The following COL5A3 variants were observed in gnomAD, a reference collection of about 807,000 sequenced individuals.
COL5A3 encodes collagen alpha-3(V) chain.
In COL5A3, 172 loss-of-function variants were observed where a neutral mutation model predicts 250.0. That is an observed-to-expected ratio of 0.69 (90% confidence interval 0.61 to 0.78). The LOEUF is 0.78. COL5A3 is among the 30% of genes least tolerant of loss of function. The pLI, the probability that COL5A3 is intolerant of heterozygous loss-of-function variation, is 0.00. For synonymous variants in COL5A3, 937 were observed against 900.4 expected (o/e 1.04, Z -0.73); for missense variants, 2,340 against 2,334.4 (o/e 1.00, Z -0.05).
chr19:9,961,323 G>A (rs1276690682), intron 65 of COL5A3, among the ~76,000 whole-genome samples: 1 of 152,154 alleles, frequency 6.6e-6, no homozygotes, highest in Non-Finnish European at 1.5e-5. Context: ...AAATGTGGCT[G>A]ATTTGAAGGA....
At chr19:9,977,739 A>G (rs746262832) in intron 41 of COL5A3, 38 bp from the exon 42 acceptor site, 5 of 1,464,166 alleles carry the variant, frequency 3.4e-6, no homozygotes, top group Non-Finnish European at 4.6e-6. Flanking sequence ...TAATACCAGT[A>G]GTAGCTGTCC....
intron 51 of COL5A3, 152 bp from the exon 52 acceptor site, chr19:9,971,410 C>G: frequency 1.6e-6 from 1 of 636,884 alleles, no homozygotes; most frequent in South Asian, 2.1e-5. Flanking sequence ...AGCGAACATT[C>G]TCGTGTTTCA....
At chr19:9,997,568 A>C in intron 10 of COL5A3, 135 bp from the exon 11 acceptor site, 1 of 617,362 alleles carries the variant, frequency 1.6e-6, no homozygotes, top group African/African-American at 1.8e-5. Context: ...CCCTAATGCA[A>C]TACTGACCCC....
chr19:9,973,599 G>A lies in COL5A3; in HGVS notation c.3637C>T (p.Pro1213Ser). 1 of 1,612,954 alleles carries A rather than the reference G, an allele frequency of 6.2e-7. No individual in the cohort carries two copies. The highest frequency in any genetic ancestry group is 8.5e-7 in the Non-Finnish European group (1 of 1,179,424). ...ATGCCTGGGGCTCCTGGAGGCCCTG[G>A]GTCTCCAGCGTCCCCTCGCTCACCC... ...EKGERGDAGD[P>S]GPPGAPGIPG... The change falls in exon 50 of 67, where the codon CCA (proline) becomes TCA (serine). Residue 1213 changes from proline (P) to serine (S), a missense_variant. Physicochemically the swap from Pro to Ser is moderately conservative, Grantham distance 74. Around this residue, in one of 3 missense-constraint regions of COL5A3, gnomAD observed 1,179 missense variants for 1,162.6 expected, o/e 1.01. Transcript: ENST00000264828.
intron 13 of COL5A3, 51 bp downstream of exon 13, chr19:9,996,382 G>A: frequency 6.3e-7 from 1 of 1,595,460 alleles, no homozygotes; most frequent in Non-Finnish European, 8.6e-7. Flanking sequence ...TTACGCCGAG[G>A]CTCTATCACT....
intron 1 of COL5A3, among the ~76,000 whole-genome samples, chr19:10,006,743 A>AC (rs757208401): frequency 3.3e-5 from 5 of 150,398 alleles, no homozygotes; most frequent in Non-Finnish European, 7.4e-5. Flanking sequence ...GCCATTTTGG[A>AC]TCTCCTCCCT....
At chr19:9,967,758 C>T (rs2086774896) in intron 61 of COL5A3, 146 bp downstream of exon 61, 2 of 762,666 alleles carry the variant, frequency 2.6e-6, no homozygotes, top group Non-Finnish European at 2.0e-6. Flanking sequence ...TGATGAAATA[C>T]AACCGTAGGT....
chr19:9,979,217 G>A lies in COL5A3; in HGVS notation c.2789C>T (p.Pro930Leu). Residue 930 changes from proline to leucine, a missense_variant, in exon 39 of 67, where the codon CCT becomes CTT. Pro to Leu is a moderately conservative substitution (Grantham distance 98). Coordinates refer to ENST00000264828, the MANE Select transcript of COL5A3 (RefSeq NM_015719.4). Reference sequence around the variant, plus strand: ...GCCTGGAGGCCCCCTTTCACCTAGAGGTCCCACTTCTCCTGTCTTTCCCTG... The same window carrying A: ...GCCTGGAGGCCCCCTTTCACCTAGAAGTCCCACTTCTCCTGTCTTTCCCTG... ...GPQGKTGEVG[P>L]LGERGPPGPP... The A allele has an allele frequency of 1.9e-6, 3 of 1,607,482 alleles. No individual in the cohort carries two copies. In the South Asian group the frequency reaches 3.3e-5, roughly 18 times the overall value.
At position 9,982,151 on chromosome 19, in the gene COL5A3, G is replaced by A. The variant is rs539141425; in HGVS notation, c.2407-33C>T. 2.7e-6 allele frequency: 4 copies of A among 1,495,044 alleles called. No individual in the cohort carries two copies. The South Asian group carries it at 5.0e-5, about 19-fold the overall frequency. 92.6% of individuals were successfully genotyped at this position (1,495,044 alleles called of 1,614,324 possible). ...GAGAGAATTAGAAAGAAGACATGAG[G>A]GTGAGGAGTGAGTGGTGGGTGGAAT... On this transcript the variant is annotated intron_variant, in intron 31 of 66. Coordinates refer to ENST00000264828, the MANE Select transcript of COL5A3 (RefSeq NM_015719.4).
chr19:9,990,260 G>T lies in COL5A3; in HGVS notation c.1993-738C>A, dbSNP rs113126313. On this transcript the variant is annotated intron_variant, in intron 24 of 66. Transcript: ENST00000264828. ...AATACAAAAATTAGCTGGGCGTAGT[G>T]GTGGGCACCTGTAATCCCAGCTACC... Among the ~76,000 whole-genome samples, 952 of 151,736 alleles carry T rather than the reference G, an allele frequency of 6.3e-3. 4 individuals carry two copies. Among genetic ancestry groups the T allele is most frequent in the Non-Finnish European group, 9.2e-3 (622 of 67,928 alleles).
At chr19:9,972,102 C>T (rs1331301468) in intron 51 of COL5A3, among the ~76,000 whole-genome samples, 3 of 152,226 alleles carry the variant, frequency 2.0e-5, no homozygotes, top group Non-Finnish European at 4.4e-5. Context: ...TTTGTCCATT[C>T]GGCCACTCAT....
At chr19:9,970,776 AC>A in intron 53 of COL5A3, 101 bp from the exon 54 acceptor site, 1 of 1,090,832 alleles carries the variant, frequency 9.2e-7, no homozygotes, top group Non-Finnish European at 1.2e-6. Flanking sequence ...CCCAAGCCTC[AC>A]CCCAGCACCG....
intron 8 of COL5A3, among the ~76,000 whole-genome samples, chr19:9,999,222 A>C (rs1176868149): frequency 8.0e-6 from 1 of 124,668 alleles, no homozygotes; most frequent in Non-Finnish European, 1.6e-5. Flanking sequence ...ACACAGGGTC[A>C]CTCTATTGCC....
chr19:9,996,758 G>A, intron 11 of COL5A3, 69 bp from the exon 12 acceptor site: 2 of 1,226,744 alleles, frequency 1.6e-6, no homozygotes, highest in Non-Finnish European at 2.3e-6. Context: ...GGACAGGGGA[G>A]GCACAGAAGG....
At chr19:9,994,719 C>G (rs906724365) in intron 16 of COL5A3, among the ~76,000 whole-genome samples, 1 of 150,224 alleles carries the variant, frequency 6.7e-6, no homozygotes, top group Non-Finnish European at 1.5e-5. Context: ...ATGGTACAAC[C>G]TACCAAACAC....
At chr19:9,988,855 A>AAAAGAGAAAG (rs1555738985) in intron 27 of COL5A3, among the ~76,000 whole-genome samples, 1 of 104,764 alleles carries the variant, frequency 9.5e-6, no homozygotes, top group African/African-American at 4.5e-5. Flanking sequence ...AAAAAAAAAA[A>AAAAGAGAAAG]AAAGAAAGTA....
chr19:10,003,477 G>T, intron 6 of COL5A3, 88 bp downstream of exon 6: 1 of 1,313,138 alleles, frequency 7.6e-7, no homozygotes, highest in Non-Finnish European at 1.1e-6. Context: ...TGGGAGACTA[G>T]AAGTCAAGCA....
Position 9,972,951 on chromosome 19 carries a change from G to C in COL5A3, c.3742C>G (p.Pro1248Ala), listed in dbSNP as rs747066452. 5 of 1,611,416 alleles carry C rather than the reference G, an allele frequency of 3.1e-6. No individual in the cohort carries two copies. The highest frequency in any genetic ancestry group is 3.4e-6 in the Non-Finnish European group (4 of 1,178,964). ...GAAGPPGKKG[P>A]PGEDGAKGSV... is the part of the protein sequence containing the mutation. ...CCTTTGGCTCCATCCTCTCCAGGGG[G>C]ACCTTTCTTGCCTGGGGGTCCAGCA... The change falls in exon 51 of 67, where the codon CCC (proline) becomes GCC (alanine). Residue 1248 changes from proline (P) to alanine (A), a missense_variant. This residue lies in a region of COL5A3 where 1,179 missense variants were observed against 1,162.6 expected (regional missense o/e 1.01). Coordinates refer to ENST00000264828, the MANE Select transcript of COL5A3 (RefSeq NM_015719.4).
In COL5A3 at chr19:9,970,670, C is replaced by T. The variant is rs373311948; in HGVS notation, c.3888G>A (p.Pro1296=). 6.2e-6 allele frequency: 9 copies of T among 1,443,176 alleles called. No individual in the cohort carries two copies. Among genetic ancestry groups the T allele is most frequent in the Admixed American group, 2.9e-5 (1 of 34,786 alleles). 89.4% of individuals were successfully genotyped at this position (1,443,176 alleles called of 1,614,324 possible). The change falls in exon 54 of 67, where the codon CCG becomes CCA. Residue 1296 remains proline (P), a synonymous_variant. Coordinates refer to ENST00000264828, the MANE Select transcript of COL5A3 (RefSeq NM_015719.4). The part of the protein sequence containing the change: ...GDPGDVGGPG[P]PGASGEPGAP... ...CGCCGGGCTCCCCAGAAGCTCCAGG[C>T]GGACCCTGGAGGAGACAAGGACACC...
Sources: allele counts gnomAD v4.1 joint callset (sites outside exome capture counted in the v4.1 genomes callset), GRCh38; gene constraint gnomAD v4.1.1; regional missense constraint gnomAD v4.1.1; transcripts MANE v1.5; gene names NCBI Gene and HGNC (gene_info 2026-07-23, HGNC 2026-07-21).